BICRA: variants seen among roughly 807,000 people sequenced by gnomAD.
BICRA encodes BRD4 interacting chromatin remodeling complex associated protein.
In BICRA, 31 loss-of-function variants were observed where a neutral mutation model predicts 96.9. The ratio of observed to expected loss-of-function variants is 0.32; its 90% CI spans 0.24 to 0.43. The LOEUF is 0.43. Among genes scored for constraint, BICRA ranks in the 20% least tolerant of loss-of-function variants. The pLI, the probability that BICRA is intolerant of heterozygous loss-of-function variation, is 1.00. For missense variants in BICRA, 2,283 were observed against 2,190.3 expected, an observed-to-expected ratio of 1.04 and a Z score of -0.84; for synonymous variants, 1,350 against 1,071.8, an observed-to-expected ratio of 1.26 and a Z score of -5.07.
At chr19:47,628,326 A>T (rs997228251) in intron 1 of BICRA, among the ~76,000 whole-genome samples, 2 of 137,896 alleles carry the variant, frequency 1.5e-5, no homozygotes, top group Non-Finnish European at 3.3e-5. Context: ...GACACTTTGC[A>T]TTTCTTAACT....
chr19:47,642,711 AG>A (rs1972401346), intron 1 of BICRA, among the ~76,000 whole-genome samples: 1 of 152,216 alleles, frequency 6.6e-6, no homozygotes, highest in African/African-American at 2.4e-5. Context: ...CAAAAAGAAA[AG>A]AAAAAAGAAA....
rs1180613657 is a variant in BICRA, at chr19:47,701,275, G to C, written c.3596-53G>C. 2 of 1,336,178 alleles carry C rather than the reference G, an allele frequency of 1.5e-6. No homozygotes were observed. The highest frequency in any genetic ancestry group is 2.1e-6 in the Non-Finnish European group (2 of 945,506). 82.8% of individuals were successfully genotyped at this position (1,336,178 alleles called of 1,614,324 possible). A position where few individuals can be genotyped will look rare whatever the true frequency, so the allele number is the denominator to read the frequency against. On this transcript the variant is annotated intron_variant, in intron 14 of 14. Coordinates refer to ENST00000594866, the MANE Select transcript of BICRA (RefSeq NM_001394372.1). The surrounding 1 kb of genome is among the most constrained non-coding windows in gnomAD (Gnocchi z 5.4). ...ACTGCACACAGCTCCTCCCAGCTCG[G>C]TCGGGGGGTCCTCATCCTAACCCCG...
At chr19:47,619,724 C>A (rs948758640) in intron 1 of BICRA, among the ~76,000 whole-genome samples, 4 of 152,082 alleles carry the variant, frequency 2.6e-5, no homozygotes, top group Non-Finnish European at 4.4e-5. Context: ...ATAATAAGAC[C>A]CTATCTCTCC....
chr19:47,652,167 G>A (rs1200150108), intron 1 of BICRA, among the ~76,000 whole-genome samples: 2 of 152,104 alleles, frequency 1.3e-5, no homozygotes, highest in African/African-American at 4.8e-5. Flanking sequence ...AACTATTTCA[G>A]GTATGGAAGG....
At chr19:47,685,029 G>C (rs968567489) in intron 7 of BICRA, among the ~76,000 whole-genome samples, 1 of 152,096 alleles carries the variant, frequency 6.6e-6, no homozygotes, top group African/African-American at 2.4e-5. Flanking sequence ...GGAGTACACT[G>C]GTGCAATATT....
intron 1 of BICRA, among the ~76,000 whole-genome samples, chr19:47,635,575 A>G (rs762619826): frequency 2.6e-5 from 4 of 151,880 alleles, no homozygotes; most frequent in Admixed American, 6.6e-5. Flanking sequence ...TTTTTTTCAA[A>G]CAGAAGCTCG....
rs1973398158 is a variant in BICRA, at chr19:47,699,087, C to T, written c.3492+28C>T. On this transcript the variant is annotated intron_variant, in intron 13 of 14. Transcript: ENST00000594866. The surrounding 1 kb of genome is among the most constrained non-coding windows in gnomAD (Gnocchi z 5.0). ...AGGGTCAGAGTCGCCTTCCTCGCCT[C>T]TGGGCTCCTCCTCGCTGGGACACTG... 7.1e-7 allele frequency: 1 copy of T among 1,412,638 alleles called. No individual in the cohort carries two copies. Among genetic ancestry groups the T allele is most frequent in the African/African-American group, 1.4e-5 (1 of 70,408 alleles). The allele number at this position is 1,412,638 out of a possible 1,614,324, so 87.5% of individuals were successfully genotyped here.
intron 10 of BICRA, among the ~76,000 whole-genome samples, chr19:47,696,009 C>T (rs922423491): frequency 1.1e-4 from 17 of 151,862 alleles, no homozygotes; most frequent in Non-Finnish European, 5.9e-5. Flanking sequence ...GATGGAGATG[C>T]CAGAATGAAG....
chr19:47,655,492 T>C (rs1972601123), intron 1 of BICRA, among the ~76,000 whole-genome samples: 1 of 123,798 alleles, frequency 8.1e-6, no homozygotes, highest in South Asian at 2.6e-4. Context: ...ACCACTGTAC[T>C]CCAGCCTGGG....
At chr19:47,613,926 G>C (rs936301055) in intron 1 of BICRA, among the ~76,000 whole-genome samples, 2 of 151,824 alleles carry the variant, frequency 1.3e-5, no homozygotes, top group African/African-American at 4.8e-5. Flanking sequence ...ATTCATTGGG[G>C]GGAGGGGGAA....
intron 7 of BICRA, among the ~76,000 whole-genome samples, chr19:47,684,251 C>T (rs1973111269): frequency 1.3e-5 from 2 of 152,096 alleles, no homozygotes; most frequent in African/African-American, 2.4e-5. Flanking sequence ...GGCAAGATCT[C>T]GGCTCGCTGC....
intron 1 of BICRA, among the ~76,000 whole-genome samples, chr19:47,614,227 C>T (rs571130812): frequency 1.3e-5 from 2 of 152,308 alleles, no homozygotes; most frequent in African/African-American, 4.8e-5. Flanking sequence ...CCTCTAACCT[C>T]TCCAGAATCC....
At position 47,680,233 on chromosome 19, in the gene BICRA, C is replaced by A; in HGVS notation, c.1063C>A (p.Pro355Thr). ...HRTPTPIQPK[P>T]AGVLPPKLYQ... ...CACACCCACGCCCATCCAGCCCAAG[C>A]CCGCGGGGGTGCTGCCGCCCAAGCT... Residue 355 changes from proline to threonine, a missense_variant, in exon 6 of 15, where the codon CCC becomes ACC. Pro to Thr is a conservative substitution (Grantham distance 38, BLOSUM62 -1). Transcript: ENST00000594866. 1 of 1,560,028 alleles carries A rather than the reference C, an allele frequency of 6.4e-7. No individual in the cohort carries two copies. Among genetic ancestry groups the A allele is most frequent in the Non-Finnish European group, 8.6e-7 (1 of 1,161,778 alleles).
chr19:47,647,412 G>A (rs774069417), intron 1 of BICRA, among the ~76,000 whole-genome samples: 5 of 152,092 alleles, frequency 3.3e-5, no homozygotes, highest in Non-Finnish European at 5.9e-5. Flanking sequence ...AATGCATGAG[G>A]GCTCTGATTT....
Position 47,680,069 on chromosome 19 carries a change from C to G in BICRA, c.899C>G (p.Thr300Arg), listed in dbSNP as rs1156603577. ...AACCTCTCGGCCGCTGTGGCCACCA[C>G]GCTCAATGGGAACTCTGTGTTCGGA... ...QKNLSAAVAT[T>R]LNGNSVFGGA... The change falls in exon 6 of 15, where the codon ACG becomes AGG. Residue 300 changes from threonine to arginine, a missense_variant. By Grantham distance (71) the Thr-to-Arg change is moderately conservative (BLOSUM62 -1). Coordinates refer to ENST00000594866, the MANE Select transcript of BICRA (RefSeq NM_001394372.1). 70 of 1,563,826 alleles carry G rather than the reference C, an allele frequency of 4.5e-5. No homozygotes were observed. Among genetic ancestry groups the G allele is most frequent in the Non-Finnish European group, 6.0e-5 (70 of 1,165,544 alleles).
At position 47,681,234 on chromosome 19, in the gene BICRA, G is replaced by A. The variant is rs748310785; in HGVS notation, c.2064G>A (p.Thr688=). 3.9e-6 allele frequency: 6 copies of A among 1,536,516 alleles called. No individual in the cohort carries two copies. Among genetic ancestry groups the A allele is most frequent in the South Asian group, 1.2e-5 (1 of 84,100 alleles). The change falls in exon 6 of 15, where the codon ACG becomes ACA. Residue 688 remains threonine (T), a synonymous_variant. Transcript: ENST00000594866. ...VLGQPPSATP[T]AILTQDSLQM... ...GGCAGCCGCCCTCTGCCACCCCCACGGCCATCCTCACTCAGGACTCCCTGC... is the reference window on the plus strand; with the variant it reads ...GGCAGCCGCCCTCTGCCACCCCCACAGCCATCCTCACTCAGGACTCCCTGC...
intron 1 of BICRA, among the ~76,000 whole-genome samples, chr19:47,610,360 C>T (rs1184479131): frequency 6.6e-6 from 1 of 152,218 alleles, no homozygotes; most frequent in African/African-American, 2.4e-5. Flanking sequence ...CAAGGAGCCG[C>T]GGGAGAGCTA....
At chr19:47,656,955 G>T (rs752969085) in intron 1 of BICRA, among the ~76,000 whole-genome samples, 1 of 151,566 alleles carries the variant, frequency 6.6e-6, no homozygotes. Flanking sequence ...TCCACCTCCC[G>T]GGTTCAAGAA....
chr19:47,690,190 C>T (rs1170508142), intron 7 of BICRA, among the ~76,000 whole-genome samples: 5 of 151,904 alleles, frequency 3.3e-5, no homozygotes, highest in African/African-American at 9.7e-5. Flanking sequence ...TTAATAGAGA[C>T]GGGGTTTCAC....
Sources: allele counts gnomAD v4.1 joint callset (sites outside exome capture counted in the v4.1 genomes callset), GRCh38; gene constraint gnomAD v4.1.1; non-coding constraint Gnocchi (gnomAD v3.1); transcripts MANE v1.5; gene names NCBI Gene and HGNC (gene_info 2026-07-23, HGNC 2026-07-21).